NUDCD1: variants seen among roughly 807,000 people sequenced by gnomAD.
The protein encoded by NUDCD1 is nudC domain-containing protein 1.
A neutral mutation model predicts 67.8 loss-of-function variants in NUDCD1; 60 were observed. The ratio of observed to expected loss-of-function variants is 0.88; its 90% CI spans 0.72 to 1.10. The LOEUF is 1.10. NUDCD1 is among the 50% of genes least tolerant of loss of function. The probability of loss-of-function intolerance (pLI) is 0.00; values close to 1 mark genes in which losing one functional copy is unlikely to be tolerated. For missense variants in NUDCD1, 643 were observed against 695.0 expected, an observed-to-expected ratio of 0.93 and a Z score of 0.84; for synonymous variants, 244 against 230.8, an observed-to-expected ratio of 1.06 and a Z score of -0.52.
At chr8:109,260,620 A>G (rs571453076) in intron 8 of NUDCD1, among the ~76,000 whole-genome samples, 2 of 152,254 alleles carry the variant, frequency 1.3e-5, no homozygotes, top group Admixed American at 1.3e-4. Context: ...TATAATTCAC[A>G]TATCTCAGAT....
chr8:109,249,984 G>A (rs1044827088), intron 8 of NUDCD1, among the ~76,000 whole-genome samples: 16 of 151,540 alleles, frequency 1.1e-4, no homozygotes, highest in Middle Eastern at 3.4e-3. Flanking sequence ...TAGCTGGGAC[G>A]ACAAGCACAC....
intron 2 of NUDCD1, among the ~76,000 whole-genome samples, chr8:109,319,121 C>T (rs1005384653): frequency 6.6e-6 from 1 of 151,972 alleles, no homozygotes; most frequent in African/African-American, 2.4e-5. Flanking sequence ...CTACAGGGAC[C>T]TGCCACCACG....
intron 2 of NUDCD1, among the ~76,000 whole-genome samples, chr8:109,309,223 C>G (rs1242383922): frequency 6.6e-6 from 1 of 152,166 alleles, no homozygotes; most frequent in East Asian, 1.9e-4. Flanking sequence ...AAAATACTAG[C>G]TAACTGAATC....
At chr8:109,300,662 T>C (rs1324691561) in intron 2 of NUDCD1, among the ~76,000 whole-genome samples, 1 of 152,080 alleles carries the variant, frequency 6.6e-6, no homozygotes, top group Non-Finnish European at 1.5e-5. Context: ...ATCTGAAAGT[T>C]TGGAAAACAT....
chr8:109,288,305 G>C (rs1414848767), intron 5 of NUDCD1, among the ~76,000 whole-genome samples: 1 of 152,102 alleles, frequency 6.6e-6, no homozygotes, highest in Non-Finnish European at 1.5e-5. Context: ...AAGTTATCTG[G>C]GCAGAACGGT....
intron 8 of NUDCD1, among the ~76,000 whole-genome samples, chr8:109,261,456 A>C (rs1813862327): frequency 6.6e-6 from 1 of 152,178 alleles, no homozygotes; most frequent in African/African-American, 2.4e-5. Context: ...CTTAAAGAAA[A>C]AAAGTCACAA....
intron 1 of NUDCD1, among the ~76,000 whole-genome samples, chr8:109,330,857 G>A (rs1815788805): frequency 6.6e-6 from 1 of 152,160 alleles, no homozygotes; most frequent in Non-Finnish European, 1.5e-5. Flanking sequence ...TGGACACAGG[G>A]AGGGGAACAA....
At chr8:109,328,491 G>A (rs1324779025) in intron 1 of NUDCD1, among the ~76,000 whole-genome samples, 1 of 152,104 alleles carries the variant, frequency 6.6e-6, no homozygotes, top group African/African-American at 2.4e-5. Context: ...AGTACTAATG[G>A]CATGTGTTTG....
chr8:109,277,060 T>A (rs1814306763), intron 6 of NUDCD1, among the ~76,000 whole-genome samples: 1 of 152,208 alleles, frequency 6.6e-6, no homozygotes, highest in Non-Finnish European at 1.5e-5. Flanking sequence ...CTTACCTATA[T>A]GTCAGGTGCT....
chr8:109,260,315 C>T (rs965544904), intron 8 of NUDCD1, among the ~76,000 whole-genome samples: 1 of 152,202 alleles, frequency 6.6e-6, no homozygotes, highest in Non-Finnish European at 1.5e-5. Flanking sequence ...GGGCCTCAGG[C>T]CCCTGAGTAG....
intron 2 of NUDCD1, among the ~76,000 whole-genome samples, chr8:109,312,449 T>A (rs1229504928): frequency 6.6e-6 from 1 of 152,128 alleles, no homozygotes; most frequent in African/African-American, 2.4e-5. Context: ...TAAAAATAAC[T>A]ATAGGCTTTT....
chr8:109,310,598 T>A (rs1354202878), intron 2 of NUDCD1, among the ~76,000 whole-genome samples: 1 of 152,178 alleles, frequency 6.6e-6, no homozygotes, highest in Non-Finnish European at 1.5e-5. Context: ...CAAATGAGAT[T>A]AAAAACAAAG....
intron 2 of NUDCD1, among the ~76,000 whole-genome samples, chr8:109,299,337 G>A (rs1004538695): frequency 4.6e-5 from 7 of 152,170 alleles, no homozygotes; most frequent in Admixed American, 1.3e-4. Flanking sequence ...TTGCAGCTGG[G>A]AGACAGGTAG....
chr8:109,314,643 C>A (rs1273664080), intron 2 of NUDCD1, among the ~76,000 whole-genome samples: 2 of 152,080 alleles, frequency 1.3e-5, no homozygotes, highest in Non-Finnish European at 1.5e-5. Context: ...CCCAACCCCC[C>A]AAATCAACCT....
At chr8:109,311,386 A>T (rs2130097340) in intron 2 of NUDCD1, among the ~76,000 whole-genome samples, 1 of 152,172 alleles carries the variant, frequency 6.6e-6, no homozygotes, top group South Asian at 2.1e-4. Flanking sequence ...AACTAAAAGT[A>T]GAACCTCCAT....
rs1050697948 is a variant in NUDCD1 at position 109,320,471 on chromosome 8, T to A, written c.273+1838A>T. Among the ~76,000 whole-genome samples the A allele has an allele frequency of 3.9e-5, 6 of 152,356 alleles. No individual in the cohort carries two copies. The East Asian group carries it at 1.2e-3, about 29-fold the overall frequency. ...CACCTGCGGTCAGAGTTTAAGGTTA[T>A]CTCTCTTACTCCCTGAACAATTGCT... On this transcript the variant is annotated intron_variant, in intron 2 of 9. Transcript: ENST00000239690.
chr8:109,317,911 G>C (rs142999979), intron 2 of NUDCD1, among the ~76,000 whole-genome samples: 4 of 152,108 alleles, frequency 2.6e-5, no homozygotes, highest in African/African-American at 9.6e-5. Context: ...CTTTTTGTCA[G>C]CTACATATTA....
In NUDCD1 at chr8:109,306,646, G is replaced by A. The variant is rs945969959; in HGVS notation, c.274-10077C>T. Among the ~76,000 whole-genome samples, 12 of 86,204 alleles carry A rather than the reference G, an allele frequency of 1.4e-4. No individual in the cohort carries two copies. In the East Asian group the frequency reaches 1.6e-3, roughly 12 times the overall value. 56.6% of individuals were successfully genotyped at this position (86,204 alleles called of 152,430 possible). On this transcript the variant is annotated intron_variant, in intron 2 of 9. Transcript: ENST00000239690. The stretch of plus-strand genomic sequence containing the variant: ...ATTATGTTGAACCCCCCCCACCCCC[G>A]GACCCCACTGGACACTCTAATTGGA...
At chr8:109,279,250 A>T (rs1814372197) in intron 6 of NUDCD1, among the ~76,000 whole-genome samples, 1 of 152,200 alleles carries the variant, frequency 6.6e-6, no homozygotes, top group African/African-American at 2.4e-5. Context: ...GATATGAATG[A>T]GTTGCTGGTG....
Sources: gnomAD v4.1 joint callset for allele counts (sites outside exome capture counted in the v4.1 genomes callset) on GRCh38, gnomAD v4.1.1 for gene constraint, MANE v1.5 for transcripts, NCBI Gene and HGNC (gene_info 2026-07-23, HGNC 2026-07-21) for gene names.